The following FER1L5 variants were observed in gnomAD, a reference collection of about 807,000 sequenced individuals.
FER1L5 encodes fer-1-like protein 5.
Under a neutral mutation model 279.9 loss-of-function variants are expected in FER1L5, and 187 were observed. The observed-to-expected ratio is 0.67, with a 90% confidence interval of 0.59 to 0.75. The LOEUF is 0.75. Ranked by LOEUF, FER1L5 falls within the 30% of genes least tolerant of loss-of-function variation. FER1L5 has a pLI of 0.00. For missense variants in FER1L5, 2,091 were observed against 2,594.4 expected (o/e 0.81, Z 4.21); for synonymous variants, 921 against 989.7 (o/e 0.93, Z 1.30).
At chr2:96,646,673 T>C (rs914101856) in intron 2 of FER1L5, among the ~76,000 whole-genome samples, 1 of 152,020 alleles carries the variant, frequency 6.6e-6, no homozygotes, top group African/African-American at 2.4e-5. Context: ...TCTCCCCCAC[T>C]CCGAGGATGG....
At chr2:96,648,537 G>T in intron 4 of FER1L5, among the ~76,000 whole-genome samples, 1 of 152,228 alleles carries the variant, frequency 6.6e-6, no homozygotes, top group Non-Finnish European at 1.5e-5. Flanking sequence ...GCTCTCTCTG[G>T]TTGGTCCTAA....
At chr2:96,677,592 A>G (rs1356363653) in intron 19 of FER1L5, among the ~76,000 whole-genome samples, 1 of 152,028 alleles carries the variant, frequency 6.6e-6, no homozygotes, top group African/African-American at 2.4e-5. Context: ...CTGCCCGGGC[A>G]CGGTGGCTCA....
intron 14 of FER1L5, among the ~76,000 whole-genome samples, chr2:96,664,432 G>A (rs751982676): frequency 3.2e-4 from 49 of 152,088 alleles, no homozygotes; most frequent in Admixed American, 4.6e-4. Context: ...CATAGAAATG[G>A]AATCGTTCAG....
rs2077342149 is a variant in FER1L5 at position 96,695,597 on chromosome 2, C to G, written c.3830C>G (p.Pro1277Arg). ...GGGGAAGAGTCCCTGAGGACAGAAC[C>G]CATCAGGGACTTTCAGACCAACCCC... The part of the protein sequence containing the change: ...EFGEESLRTE[P>R]IRDFQTNPNF... The change falls in exon 35 of 53, where the codon CCC (proline) becomes CGC (arginine). Residue 1277 changes from proline to arginine, a missense_variant. Coordinates refer to ENST00000624922, the MANE Select transcript of FER1L5 (RefSeq NM_001293083.2). The G allele has an allele frequency of 6.2e-7, 1 of 1,600,826 alleles. No homozygotes were observed. The highest frequency in any genetic ancestry group is 2.3e-5 in the East Asian group (1 of 44,302).
chr2:96,648,681 T>C (rs977922348), intron 4 of FER1L5, among the ~76,000 whole-genome samples: 1 of 152,236 alleles, frequency 6.6e-6, no homozygotes, highest in Non-Finnish European at 1.5e-5. Flanking sequence ...AAGTCTGACT[T>C]AGAGCAGGCT....
chr2:96,679,940 C>T (rs150106342), intron 19 of FER1L5, among the ~76,000 whole-genome samples: 55 of 152,136 alleles, frequency 3.6e-4, no homozygotes, highest in African/African-American at 1.0e-3. Context: ...CTGAAGTTTA[C>T]GGGCTCACAT....
intron 18 of FER1L5, among the ~76,000 whole-genome samples, chr2:96,671,106 C>CAAAAAAAAAAAAA (rs750341048): frequency 0.031 from 1,261 of 40,198 alleles, 417 homozygotes; most frequent in African/African-American, 0.12. Context: ...GACTCCATCT[C>CAAAAAAAAAAAAA]AAAAAAAAAA....
In FER1L5 at chr2:96,704,304, C is replaced by T. The variant is rs999167664; in HGVS notation, c.5891C>T (p.Ala1964Val). ...FWKRYRFKLIAFMVISIIALM... is the reference protein window; with the variant it reads ...FWKRYRFKLIVFMVISIIALM... ...AAACGCTATCGCTTCAAACTCATAG[C>T]CTTTATGGTCATATCGATTATAGCA... Residue 1964 changes from alanine to valine, a missense_variant, in exon 52 of 53, where the codon GCC becomes GTC. Coordinates refer to ENST00000624922, the MANE Select transcript of FER1L5 (RefSeq NM_001293083.2). The T allele has an allele frequency of 1.9e-6, 3 of 1,613,854 alleles. No individual in the cohort carries two copies. In the African/African-American group the frequency reaches 4.0e-5, roughly 22 times the overall value.
intron 9 of FER1L5, among the ~76,000 whole-genome samples, chr2:96,657,707 T>G (rs1036717312): frequency 2.0e-5 from 3 of 152,094 alleles, no homozygotes; most frequent in East Asian, 1.9e-4. Flanking sequence ...TCATACATTC[T>G]CTATCCTTTT....
intron 31 of FER1L5, among the ~76,000 whole-genome samples, chr2:96,692,657 C>T (rs185302164): frequency 1.3e-3 from 203 of 152,236 alleles, no homozygotes; most frequent in Middle Eastern, 0.01. Flanking sequence ...TGGACAGAGG[C>T]GGAGGGGCCT....
intron 45 of FER1L5, 120 bp from the exon 46 acceptor site, chr2:96,701,835 C>T (rs1398179636): frequency 1.8e-5 from 16 of 868,058 alleles, no homozygotes; most frequent in South Asian, 3.3e-5. Context: ...CTGTACCCCA[C>T]CCCTCGGTGT....
chr2:96,701,709 C>T (rs2153311425), intron 45 of FER1L5, among the ~76,000 whole-genome samples: 1 of 152,226 alleles, frequency 6.6e-6, no homozygotes, highest in East Asian at 1.9e-4. Context: ...TAAGTGGAAT[C>T]CCAGCACCAT....
chr2:96,646,573 C>A lies in FER1L5; in HGVS notation c.138+120C>A, dbSNP rs1392664662. 4 of 1,048,742 alleles carry A rather than the reference C, an allele frequency of 3.8e-6. No homozygotes were observed. The South Asian group carries it at 4.5e-5, about 12-fold the overall frequency. 65.0% of individuals were successfully genotyped at this position (1,048,742 alleles called of 1,614,324 possible). A position where few individuals can be genotyped will look rare whatever the true frequency, so the allele number is the denominator to read the frequency against. On this transcript the variant is annotated intron_variant, in intron 2 of 52. Coordinates refer to ENST00000624922, the MANE Select transcript of FER1L5 (RefSeq NM_001293083.2). ...AGGACGTGCAACCTCACAGGCTTTC[C>A]TCAAGGCTGGGCATCTTGGCCTGGG...
chr2:96,692,380 G>A (rs184007434), intron 31 of FER1L5, among the ~76,000 whole-genome samples, 199 bp downstream of exon 31: 41 of 152,336 alleles, frequency 2.7e-4, no homozygotes, highest in African/African-American at 8.9e-4. Flanking sequence ...GGGCATGGAT[G>A]AGGGTGACAA....
chr2:96,701,052 G>A (rs1573975082), intron 45 of FER1L5, among the ~76,000 whole-genome samples: 1 of 152,308 alleles, frequency 6.6e-6, no homozygotes, highest in African/African-American at 2.4e-5. Context: ...AGTGGCTCAC[G>A]CCTGTAATCC....
chr2:96,669,205 T>A, intron 17 of FER1L5, 68 bp downstream of exon 17: 1 of 1,445,016 alleles, frequency 6.9e-7, no homozygotes, highest in Non-Finnish European at 9.3e-7. Flanking sequence ...CACTAGGGCC[T>A]GGGACGTGCC....
chr2:96,659,295 T>TTCCC lies in FER1L5; in HGVS notation c.748-1043_748-1042insCTCC, dbSNP rs1196660016. Among the ~76,000 whole-genome samples, 6 of 21,974 alleles carry TTCCC rather than the reference T, an allele frequency of 2.7e-4. 1 individual carries two copies. The highest frequency in any genetic ancestry group is 1.3e-3 in the Admixed American group (2 of 1,538). The allele number at this position is 21,974 out of a possible 152,430, so 14.4% of individuals were successfully genotyped here. ...TGAAGTCCAATTTATCAAGCTTTCC[T>TTCCC]TCCTTCCTTCCTTCCTTCCTTCCTT... On this transcript the variant is annotated intron_variant, in intron 9 of 52. Transcript: ENST00000624922.
chr2:96,658,296 G>A (rs972317319), intron 9 of FER1L5, among the ~76,000 whole-genome samples: 8 of 151,416 alleles, frequency 5.3e-5, no homozygotes, highest in African/African-American at 1.7e-4. Context: ...GATTACATGC[G>A]TGAGCCAACG....
chr2:96,687,774 G>A, intron 23 of FER1L5, 42 bp from the exon 24 acceptor site: 4 of 1,547,506 alleles, frequency 2.6e-6, no homozygotes, highest in Non-Finnish European at 3.5e-6. Context: ...TGGCGTTCAG[G>A]GTGTTTAGTG....
Sources: gnomAD v4.1 joint callset for allele counts (sites outside exome capture counted in the v4.1 genomes callset) on GRCh38, gnomAD v4.1.1 for gene constraint, MANE v1.5 for transcripts, NCBI Gene and HGNC (gene_info 2026-07-23, HGNC 2026-07-21) for gene names.